Variants in SFTPD observed in about 807,000 individuals in gnomAD.
The protein encoded by SFTPD is surfactant protein D.
Under a neutral mutation model 34.6 loss-of-function variants are expected in SFTPD, and 18 were observed. That is an observed-to-expected ratio of 0.52 (90% CI 0.36 to 0.77). The LOEUF is 0.77. Ranked by LOEUF, SFTPD falls within the 30% of genes least tolerant of loss-of-function variation. SFTPD has a pLI of 0.00. For missense variants in SFTPD, 433 were observed against 468.9 expected (o/e 0.92, Z 0.71); for synonymous variants, 155 against 180.9 (o/e 0.86, Z 1.15).
At chr10:79,982,360 C>T (rs1842896317) in intron 1 of SFTPD, 5 of 1,040,942 alleles carry the variant, frequency 4.8e-6, no homozygotes, top group Non-Finnish European at 6.3e-6. Context: ...CCCTGGCAGC[C>T]CCGCGCAGCC....
intron 2 of SFTPD, among the ~76,000 whole-genome samples, chr10:79,943,651 G>A (rs1231104919): frequency 6.6e-6 from 1 of 152,140 alleles, no homozygotes; most frequent in Non-Finnish European, 1.5e-5. Context: ...TAAATTTGCT[G>A]GATGGGTGGA....
chr10:79,940,159 G>T (rs1842596545), intron 7 of SFTPD, among the ~76,000 whole-genome samples: 1 of 152,194 alleles, frequency 6.6e-6, no homozygotes. Flanking sequence ...AACAGTATCT[G>T]GTTTCTGGGC....
chr10:79,941,294 A>G, intron 6 of SFTPD, 104 bp downstream of exon 6: 2 of 965,652 alleles, frequency 2.1e-6, no homozygotes, highest in South Asian at 1.4e-5. Context: ...GCTGCCATTA[A>G]TGGGGCACAC....
At chr10:79,938,281 C>T (rs1564761958) in intron 7 of SFTPD, 53 bp from the exon 8 acceptor site, 3 of 1,526,786 alleles carry the variant, frequency 2.0e-6, no homozygotes, top group Non-Finnish European at 2.7e-6. Context: ...GGCCAAAGCT[C>T]AGGGGCTGTG....
chr10:79,946,317 TG>T, intron 2 of SFTPD, 143 bp downstream of exon 2: 3 of 670,520 alleles, frequency 4.5e-6, no homozygotes, highest in South Asian at 1.8e-5. Flanking sequence ...GTTTGCCAGC[TG>T]GTGGAGCAGT....
chr10:79,951,615 T>G (rs1455829568), upstream of SFTPD, among the ~76,000 whole-genome samples: 1 of 152,230 alleles, frequency 6.6e-6, no homozygotes, highest in Non-Finnish European at 1.5e-5. Flanking sequence ...TTTATCTCAT[T>G]CCCCAGCACT....
chr10:79,967,027 C>T (rs1224867726), intron 1 of SFTPD, among the ~76,000 whole-genome samples: 4 of 135,286 alleles, frequency 3.0e-5, no homozygotes, highest in East Asian at 3.2e-4. Flanking sequence ...TGTTTGCAGA[C>T]GACATGATTG....
At chr10:79,972,031 A>T (rs955373958) in intron 1 of SFTPD, 4 of 152,180 alleles carry the variant, frequency 2.6e-5, no homozygotes, top group African/African-American at 9.7e-5. Flanking sequence ...ACCCTGTTTG[A>T]CATGCTGCAA....
At chr10:79,957,397 CTG>C (rs764506093) in intron 1 of SFTPD, among the ~76,000 whole-genome samples, 3 of 152,052 alleles carry the variant, frequency 2.0e-5, no homozygotes, top group African/African-American at 7.2e-5. Flanking sequence ...AAGTTTAAAA[CTG>C]TGAAAAAAAT....
chr10:79,943,291 CATTT>C (rs1463286195), intron 2 of SFTPD, among the ~76,000 whole-genome samples: 4 of 152,146 alleles, frequency 2.6e-5, no homozygotes, highest in African/African-American at 4.8e-5. Context: ...TCGATTTGCT[CATTT>C]ATTTGTTCAC....
In SFTPD at chr10:79,938,169, C is replaced by T; in HGVS notation, c.811G>A (p.Val271Ile). The change falls in exon 8 of 8, where the codon GTA becomes ATA. Residue 271 changes from valine to isoleucine, a missense_variant. Val to Ile is a conservative substitution (Grantham distance 29). Coordinates refer to ENST00000372292, the MANE Select transcript of SFTPD (RefSeq NM_003019.5). ...AGCTGTGCCTCCGTAAATGGTTTTA[C>T]AAAGCCTGCTGTCTTGAAAATCTTC... is the stretch of plus-strand genomic sequence containing the variant. ...GEKIFKTAGF[V>I]KPFTEAQLLC... is the part of the protein sequence containing the mutation. 6.2e-7 allele frequency: 1 copy of T among 1,608,348 alleles called. No individual in the cohort carries two copies. The highest frequency in any genetic ancestry group is 8.5e-7 in the Non-Finnish European group (1 of 1,175,148).
upstream of SFTPD, among the ~76,000 whole-genome samples, chr10:79,951,250 T>C (rs544095779): frequency 6.6e-6 from 1 of 152,304 alleles, no homozygotes; most frequent in East Asian, 1.9e-4. Context: ...TTTGGGCATG[T>C]CAAAATACTG....
intron 1 of SFTPD, among the ~76,000 whole-genome samples, chr10:79,978,751 G>C (rs1842876007): frequency 6.6e-6 from 1 of 150,816 alleles, no homozygotes; most frequent in Non-Finnish European, 1.5e-5. Context: ...ATTCTCAATG[G>C]TGAAATTCTA....
At position 79,938,148 on chromosome 10, in the gene SFTPD, G is replaced by A. The variant is rs749679352; in HGVS notation, c.832C>T (p.Gln278Ter). 3 of 1,612,538 alleles carry A rather than the reference G, an allele frequency of 1.9e-6. No individual in the cohort carries two copies. The South Asian group carries it at 3.3e-5, about 18-fold the overall frequency. The part of the protein sequence containing the change: ...AGFVKPFTEA[Q>*]LLCTQAGGQL... ...CCACCAGCCTGTGTGCACAGCAGCT[G>A]TGCCTCCGTAAATGGTTTTACAAAG... The change falls in exon 8 of 8, where the codon CAG becomes TAG. Residue 278 changes from glutamine to a stop codon, truncating the protein, a stop_gained. Coordinates refer to ENST00000372292, the MANE Select transcript of SFTPD (RefSeq NM_003019.5). LOFTEE classifies it high-confidence loss of function.
chr10:79,954,354 A>G (rs768064460), intron 1 of SFTPD, among the ~76,000 whole-genome samples: 1 of 152,208 alleles, frequency 6.6e-6, no homozygotes, highest in Non-Finnish European at 1.5e-5. Context: ...GTTGGTGACC[A>G]CAGGTGGGCC....
Position 79,954,661 on chromosome 10 carries a change from G to A in SFTPD, c.37-7999C>T, listed in dbSNP as rs146248393. 3.3e-3 allele frequency among the ~76,000 whole-genome samples: 495 copies of A among 152,230 alleles called. 5 individuals are homozygous for A. Among genetic ancestry groups the A allele is most frequent in the African/African-American group, 0.011 (471 of 41,550 alleles). ...TGGTCACTGCTAGTTTGCAGGAGGT[G>A]GAGCTGTTTGAGTTCTGTTGACTAG... On this transcript the variant is annotated intron_variant, in intron 1 of 5. Coordinates refer to the SFTPD transcript ENST00000444384.
chr10:79,939,917 G>T (rs1842594777), intron 7 of SFTPD, among the ~76,000 whole-genome samples: 1 of 152,144 alleles, frequency 6.6e-6, no homozygotes, highest in Admixed American at 6.5e-5. Flanking sequence ...GCCCTCAGCT[G>T]TGTGTCCCTG....
At chr10:79,971,191 C>T (rs1772800381) in intron 1 of SFTPD, 1 of 152,038 alleles carries the variant, frequency 6.6e-6, no homozygotes, top group Admixed American at 6.6e-5. Flanking sequence ...TATGTCAAAC[C>T]ATCCCTGCAA....
At chr10:79,972,909 G>C (rs1242490899) in intron 1 of SFTPD, 1 of 152,178 alleles carries the variant, frequency 6.6e-6, no homozygotes, top group Non-Finnish European at 1.5e-5. Flanking sequence ...TCATGACAAG[G>C]AGTTTTTATC....
Sources: gnomAD v4.1 joint callset for allele counts (sites outside exome capture counted in the v4.1 genomes callset) on GRCh38, gnomAD v4.1.1 for gene constraint, MANE v1.5 for transcripts, NCBI Gene and HGNC (gene_info 2026-07-23, HGNC 2026-07-21) for gene names.